ANKS1B: variants seen among roughly 807,000 people sequenced by gnomAD.
ANKS1B encodes ankyrin repeat and sterile alpha motif domain-containing protein 1B.
ANKS1B carries 36 observed loss-of-function variants against 148.3 expected under a neutral mutation model. The ratio of observed to expected loss-of-function variants is 0.24; its 90% CI spans 0.19 to 0.32. ANKS1B has a LOEUF of 0.32. Ranked by LOEUF, ANKS1B falls within the 10% of genes least tolerant of loss-of-function variation. The pLI is 1.00. For missense variants in ANKS1B, 1,157 were observed against 1,542.6 expected, an observed-to-expected ratio of 0.75 and a Z score of 4.19; for synonymous variants, 542 against 560.8, an observed-to-expected ratio of 0.97 and a Z score of 0.47.
intron 12 of ANKS1B, among the ~76,000 whole-genome samples, chr12:99,290,896 A>C (rs1041627875): frequency 3.3e-5 from 5 of 152,096 alleles, no homozygotes; most frequent in Non-Finnish European, 5.9e-5. Flanking sequence ...CACCACTGTT[A>C]TTCAATATAA....
At chr12:99,841,206 T>C (rs1386025007) in intron 1 of ANKS1B, among the ~76,000 whole-genome samples, 2 of 152,040 alleles carry the variant, frequency 1.3e-5, no homozygotes, top group East Asian at 1.9e-4. Flanking sequence ...GCCTGACACA[T>C]AATAATCATC....
chr12:99,458,194 A>G (rs1475365347), intron 10 of ANKS1B, among the ~76,000 whole-genome samples: 1 of 152,104 alleles, frequency 6.6e-6, no homozygotes, highest in Non-Finnish European at 1.5e-5. Context: ...AAACAATGAA[A>G]TCAATATGAA....
chr12:99,572,943 TAAC>T (rs1275201989), intron 9 of ANKS1B, among the ~76,000 whole-genome samples: 1 of 152,126 alleles, frequency 6.6e-6, no homozygotes, highest in Non-Finnish European at 1.5e-5. Flanking sequence ...ATTTAAGTAA[TAAC>T]ATAATTTAGG....
intron 10 of ANKS1B, among the ~76,000 whole-genome samples, chr12:99,456,709 C>G (rs1336433021): frequency 6.6e-6 from 1 of 152,012 alleles, no homozygotes; most frequent in Admixed American, 6.6e-5. Flanking sequence ...TTAACCCAAT[C>G]TGATAAAGAC....
chr12:99,068,332 G>A (rs1437616305), intron 16 of ANKS1B, among the ~76,000 whole-genome samples: 2 of 152,128 alleles, frequency 1.3e-5, no homozygotes, highest in African/African-American at 4.8e-5. Context: ...GGTATCACCT[G>A]CTAACCATCT....
intron 17 of ANKS1B, among the ~76,000 whole-genome samples, chr12:99,052,523 C>T (rs893968557): frequency 6.1e-5 from 9 of 146,894 alleles, no homozygotes; most frequent in Non-Finnish European, 1.2e-4. Context: ...GTCAGGAGAT[C>T]GAGACCATCC....
chr12:99,298,273 C>T (rs2081162888), intron 12 of ANKS1B, among the ~76,000 whole-genome samples: 1 of 152,174 alleles, frequency 6.6e-6, no homozygotes, highest in Admixed American at 6.5e-5. Context: ...TTGTAATAAT[C>T]CCCACGTGTC....
intron 17 of ANKS1B, among the ~76,000 whole-genome samples, chr12:98,984,293 C>A (rs1478981423): frequency 6.6e-6 from 1 of 152,238 alleles, no homozygotes; most frequent in Non-Finnish European, 1.5e-5. Flanking sequence ...CAACAAAGAA[C>A]TGTATAGTAT....
intron 21 of ANKS1B, among the ~76,000 whole-genome samples, chr12:98,800,252 G>C (rs1433202723): frequency 6.8e-6 from 1 of 148,012 alleles, no homozygotes; most frequent in Non-Finnish European, 1.5e-5. Flanking sequence ...ACTGGTATGA[G>C]ATAACCACAA....
rs12310917 is a variant in ANKS1B at position 98,766,742 on chromosome 12, T to G, written c.3579+6300A>C. ...TCTCTGCAACATAAGCCATAAATAT[T>G]TTTCTTCAGGGACCTCAAACTACTC... On this transcript the variant is annotated intron_variant, in intron 25 of 26. Coordinates refer to ENST00000683438, the MANE Select transcript of ANKS1B (RefSeq NM_001352186.2). Among the ~76,000 whole-genome samples the G allele has an allele frequency of 3.9e-3, 598 of 152,268 alleles. 6 individuals carry two copies. The highest frequency in any genetic ancestry group is 0.013 in the African/African-American group (545 of 41,548).
chr12:99,000,970 T>C (rs529019405), intron 17 of ANKS1B, among the ~76,000 whole-genome samples: 21 of 150,920 alleles, frequency 1.4e-4, no homozygotes, highest in Non-Finnish European at 2.8e-4. Context: ...TATTCCGCTG[T>C]GTGTGTGTGT....
intron 17 of ANKS1B, among the ~76,000 whole-genome samples, chr12:98,864,578 G>A (rs2287573): frequency 0.3 from 45,521 of 152,038 alleles, 8,883 homozygotes; most frequent in African/African-American, 0.55. Context: ...CTGACCTCCC[G>A]CAAGCAGGAG....
At chr12:99,589,209 T>C (rs11835749) in intron 9 of ANKS1B, among the ~76,000 whole-genome samples, 10,163 of 152,208 alleles carry the variant, frequency 0.067, 804 homozygotes, top group African/African-American at 0.19. Flanking sequence ...TTTTCAAAGG[T>C]GAATGGAACA....
intron 1 of ANKS1B, among the ~76,000 whole-genome samples, chr12:99,955,363 C>T (rs1403612169): frequency 2.0e-5 from 3 of 151,466 alleles, no homozygotes; most frequent in Admixed American, 6.6e-5. Flanking sequence ...CATGGTGGCG[C>T]GCGCCTGTAG....
intron 9 of ANKS1B, among the ~76,000 whole-genome samples, chr12:99,564,236 C>T (rs2097365827): frequency 6.6e-6 from 1 of 151,954 alleles, no homozygotes; most frequent in African/African-American, 2.4e-5. Flanking sequence ...GCACTGTTTA[C>T]AAAGCTAAAA....
chr12:99,349,046 G>A (rs933659962), intron 12 of ANKS1B, among the ~76,000 whole-genome samples: 9 of 151,830 alleles, frequency 5.9e-5, no homozygotes, highest in Non-Finnish European at 1.3e-4. Flanking sequence ...ACAAACACAT[G>A]GGAGAGACCT....
chr12:98,963,327 G>A (rs575891409), intron 17 of ANKS1B, among the ~76,000 whole-genome samples: 1 of 151,940 alleles, frequency 6.6e-6, no homozygotes, highest in South Asian at 2.1e-4. Context: ...TTACAGGTGT[G>A]CCAACATGCC....
intron 9 of ANKS1B, among the ~76,000 whole-genome samples, chr12:99,512,435 G>T (rs2096776144): frequency 6.6e-6 from 1 of 151,904 alleles, no homozygotes; most frequent in African/African-American, 2.4e-5. Flanking sequence ...AAAAAGGAAT[G>T]CTTTCATACT....
intron 14 of ANKS1B, among the ~76,000 whole-genome samples, chr12:99,174,971 A>G (rs1385342211): frequency 2.0e-5 from 3 of 152,236 alleles, no homozygotes; most frequent in Non-Finnish European, 4.4e-5. Flanking sequence ...TGCTCAATGA[A>G]GGAATTCTCT....
Sources: gnomAD v4.1 joint callset for allele counts (sites outside exome capture counted in the v4.1 genomes callset) on GRCh38, gnomAD v4.1.1 for gene constraint, MANE v1.5 for transcripts, NCBI Gene and HGNC (gene_info 2026-07-23, HGNC 2026-07-21) for gene names.